STARD13: variants seen among roughly 807,000 people sequenced by gnomAD.
The protein encoded by STARD13 is StAR related lipid transfer domain containing 13, also known as stAR-related lipid transfer protein 13.
A neutral mutation model predicts 106.4 loss-of-function variants in STARD13; 62 were observed. That is an observed-to-expected ratio of 0.58 (90% CI 0.48 to 0.72). The LOEUF (loss-of-function observed/expected upper bound fraction) is 0.72. Ranked by LOEUF, STARD13 falls within the 30% of genes least tolerant of loss-of-function variation. The pLI is 0.00. For synonymous variants in STARD13, 565 were observed against 553.0 expected (o/e 1.02, Z -0.31); for missense variants, 1,387 against 1,424.0 (o/e 0.97, Z 0.42).
exon 2 of STARD13, chr13:33,348,972 T>G: frequency 1.6e-6 from 1 of 607,860 alleles, no homozygotes; most frequent in Non-Finnish European, 3.0e-6. Flanking sequence ...GTGCTATAGA[T>G]TCTGGGCATC....
chr13:33,582,810 A>G, the STARD13 span, among the ~76,000 whole-genome samples: 1 of 152,224 alleles, frequency 6.6e-6, no homozygotes, highest in African/African-American at 2.4e-5. Flanking sequence ...AAGCTATGGG[A>G]AATATTTTTA....
At chr13:33,536,626 A>G in the STARD13 span, among the ~76,000 whole-genome samples, 1 of 152,198 alleles carries the variant, frequency 6.6e-6, no homozygotes, top group Non-Finnish European at 1.5e-5. Flanking sequence ...AGGGATTTAT[A>G]ACTCTCTCTG....
chr13:33,594,055 C>T, the STARD13 span, among the ~76,000 whole-genome samples: 7 of 151,984 alleles, frequency 4.6e-5, no homozygotes, highest in East Asian at 5.8e-4. Context: ...TACAGGTGCC[C>T]GCCACCATGC....
the STARD13 span, among the ~76,000 whole-genome samples, chr13:33,605,832 G>T: frequency 1.3e-5 from 2 of 152,266 alleles, no homozygotes; most frequent in Middle Eastern, 3.4e-3. Context: ...TCTCTTGAAA[G>T]AAACAAATTT....
the STARD13 span, among the ~76,000 whole-genome samples, chr13:33,564,583 G>A: frequency 3.4e-5 from 5 of 147,218 alleles, 1 homozygote; most frequent in South Asian, 2.1e-4. Context: ...TACACTCCAT[G>A]TTTACTCCAG....
chr13:33,409,585 C>A, the STARD13 span, among the ~76,000 whole-genome samples: 4 of 152,196 alleles, frequency 2.6e-5, no homozygotes, highest in Non-Finnish European at 5.9e-5. Context: ...TTCAACAGGG[C>A]AGAGAAATGT....
At chr13:33,528,745 G>A in the STARD13 span, among the ~76,000 whole-genome samples, 1 of 152,124 alleles carries the variant, frequency 6.6e-6, no homozygotes. Flanking sequence ...TGCTGGTCAC[G>A]AGATTTCTTT....
chr13:33,163,718 TATAAC>T (rs1437009904), intron 3 of STARD13, among the ~76,000 whole-genome samples: 4 of 102,894 alleles, frequency 3.9e-5, no homozygotes, highest in Admixed American at 1.1e-4. Flanking sequence ...AAAACATATA[TATAAC>T]ATATATAAAA....
the STARD13 span, among the ~76,000 whole-genome samples, chr13:33,508,052 G>A: frequency 6.6e-6 from 1 of 152,140 alleles, no homozygotes; most frequent in Non-Finnish European, 1.5e-5. Flanking sequence ...TAAGACTAAA[G>A]TGTGTTTAGG....
the STARD13 span, among the ~76,000 whole-genome samples, chr13:33,657,674 G>A: frequency 2.0e-5 from 3 of 152,284 alleles, no homozygotes; most frequent in African/African-American, 4.8e-5. Context: ...AACATCCTTC[G>A]AAATGTTTAG....
At chr13:33,502,685 G>T in the STARD13 span, among the ~76,000 whole-genome samples, 1 of 152,114 alleles carries the variant, frequency 6.6e-6, no homozygotes, top group Non-Finnish European at 1.5e-5. Context: ...GATGGATTAC[G>T]TTTATTGATT....
At chr13:33,168,444 C>A (rs1410763710) in intron 1 of STARD13, among the ~76,000 whole-genome samples, 1 of 152,098 alleles carries the variant, frequency 6.6e-6, no homozygotes, top group Non-Finnish European at 1.5e-5. Flanking sequence ...AGTATGTGAA[C>A]CAGGTCACTT....
At chr13:33,349,785 C>G (rs1362882765) in intron 1 of STARD13, among the ~76,000 whole-genome samples, 1 of 152,256 alleles carries the variant, frequency 6.6e-6, no homozygotes, top group Non-Finnish European at 1.5e-5. Flanking sequence ...ACATCCCCCC[C>G]TCTACCCCCG....
the STARD13 span, among the ~76,000 whole-genome samples, chr13:33,381,791 A>G: frequency 2.0e-5 from 3 of 152,218 alleles, no homozygotes; most frequent in East Asian, 5.8e-4. Flanking sequence ...AAATTCCTTG[A>G]TTATATATTA....
chr13:33,664,848 G>C, the STARD13 span, among the ~76,000 whole-genome samples: 3 of 152,104 alleles, frequency 2.0e-5, no homozygotes, highest in African/African-American at 7.2e-5. Context: ...CTATGGTCTC[G>C]ATCCCCTGAC....
rs377155911 is a variant in STARD13, at chr13:33,106,888, G to A, written c.3094C>T (p.Leu1032Phe). The change falls in exon 13 of 14, where the codon CTC (leucine) becomes TTC (phenylalanine). Residue 1032 changes from leucine to phenylalanine, a missense_variant. Transcript: ENST00000336934. ...TGGGCTTCCTCATGCTCCACGGAGA[G>A]GGACACCAGGGTACACATTCCTTTG... is the stretch of plus-strand genomic sequence containing the variant. ...LPKGMCTLVS[L>F]SVEHEEAQLL... 1 of 1,614,012 alleles carries A rather than the reference G, an allele frequency of 6.2e-7. No homozygotes were observed. The highest frequency in any genetic ancestry group is 1.7e-5 in the Admixed American group (1 of 60,000).
At chr13:33,265,603 A>G (rs1310186158) in intron 1 of STARD13, among the ~76,000 whole-genome samples, 1 of 152,216 alleles carries the variant, frequency 6.6e-6, no homozygotes, top group Non-Finnish European at 1.5e-5. Flanking sequence ...TAGTTCAAGC[A>G]ACTATAATGT....
chr13:33,331,409 A>G (rs764077120), intron 1 of STARD13, among the ~76,000 whole-genome samples: 4 of 152,086 alleles, frequency 2.6e-5, no homozygotes, highest in South Asian at 4.2e-4. Flanking sequence ...CTGGAGTGCA[A>G]TGGTGCAAGC....
chr13:33,217,573 G>A (rs937618116), intron 1 of STARD13, among the ~76,000 whole-genome samples: 6 of 152,162 alleles, frequency 3.9e-5, no homozygotes, highest in Admixed American at 2.6e-4. Context: ...GGTCAAGGAG[G>A]ACCATGCGGC....
Sources: gnomAD v4.1 joint callset for allele counts (sites outside exome capture counted in the v4.1 genomes callset) on GRCh38, gnomAD v4.1.1 for gene constraint, MANE v1.5 for transcripts, NCBI Gene and HGNC (gene_info 2026-07-23, HGNC 2026-07-21) for gene names.